Variants in MAGI2 observed in about 807,000 individuals in gnomAD.
MAGI2 encodes the protein membrane-associated guanylate kinase, WW and PDZ domain-containing protein 2.
MAGI2 carries 35 observed loss-of-function variants against 133.3 expected under a neutral mutation model. The ratio of observed to expected loss-of-function variants is 0.26; its 90% confidence interval spans 0.20 to 0.35. The LOEUF is 0.35. MAGI2 is among the 10% of genes least tolerant of loss of function. The probability of loss-of-function intolerance (pLI) is 1.00; values close to 1 mark genes in which losing one functional copy is unlikely to be tolerated. For synonymous variants in MAGI2, 729 were observed against 710.6 expected, an observed-to-expected ratio of 1.03 and a Z score of -0.41; for missense variants, 1,636 against 1,863.4, an observed-to-expected ratio of 0.88 and a Z score of 2.25.
At chr7:78,344,486 A>G (rs1207433998) in intron 8 of MAGI2, among the ~76,000 whole-genome samples, 1 of 152,212 alleles carries the variant, frequency 6.6e-6, no homozygotes, top group Non-Finnish European at 1.5e-5. Context: ...AGCATGTGCA[A>G]TATCACAAAC....
intron 6 of MAGI2, among the ~76,000 whole-genome samples, chr7:78,383,799 T>A (rs941479369): frequency 4.6e-5 from 7 of 152,114 alleles, no homozygotes. Context: ...AGGGATCCAG[T>A]TTCATTCTTC....
intron 13 of MAGI2, among the ~76,000 whole-genome samples, chr7:78,178,465 A>T (rs1826872999): frequency 6.6e-6 from 1 of 152,174 alleles, no homozygotes; most frequent in Non-Finnish European, 1.5e-5. Context: ...TACTCTGATT[A>T]GAACAATTAT....
In MAGI2 at chr7:78,345,702, T is replaced by C. The variant is rs182639676; in HGVS notation, c.1225+220A>G. On this transcript the variant is annotated intron_variant, in intron 8 of 21. Transcript: ENST00000354212. ...TTAATCTCCACGTGGTGACATGCTG[T>C]ACATTCCTATAAAGTACTGCCTGTG... 2,354 of 570,904 alleles carry C rather than the reference T, an allele frequency of 4.1e-3. 11 individuals carry two copies. Among genetic ancestry groups the C allele is most frequent in the Non-Finnish European group, 5.7e-3 (1,846 of 325,172 alleles). 35.4% of individuals were successfully genotyped at this position (570,904 alleles called of 1,614,324 possible). A position where few individuals can be genotyped will look rare whatever the true frequency, so the allele number is the denominator to read the frequency against.
intron 1 of MAGI2, among the ~76,000 whole-genome samples, chr7:79,417,157 C>T (rs567813941): frequency 4.6e-5 from 7 of 152,090 alleles, no homozygotes; most frequent in Non-Finnish European, 1.0e-4. Context: ...GTCTGACTTG[C>T]ACAAATAAGG....
rs183796239 is a variant in MAGI2, at chr7:78,769,481, G to A, written c.419-142242C>T. ...TTTGCTCTGGGTAGTTTGTACTGAA[G>A]TAAAACCGTCACCACCCACTCCCCA... On this transcript the variant is annotated intron_variant, in intron 2 of 21. Transcript: ENST00000354212. Among the ~76,000 whole-genome samples the A allele has an allele frequency of 2.7e-4, 39 of 143,016 alleles. No individual in the cohort carries two copies. In the East Asian group the frequency reaches 8.0e-3, roughly 29 times the overall value. 93.8% of individuals were successfully genotyped at this position (143,016 alleles called of 152,430 possible).
At chr7:78,986,703 A>G (rs1805296769) in intron 2 of MAGI2, among the ~76,000 whole-genome samples, 1 of 151,908 alleles carries the variant, frequency 6.6e-6, no homozygotes, top group Admixed American at 6.6e-5. Flanking sequence ...AGAACCCTAG[A>G]GTTGAAGTGA....
At chr7:79,266,943 CAT>C (rs1356213706) in intron 1 of MAGI2, among the ~76,000 whole-genome samples, 1 of 152,106 alleles carries the variant, frequency 6.6e-6, no homozygotes, top group Admixed American at 6.6e-5. Context: ...AGGTCTATCA[CAT>C]AGACTTCAGA....
chr7:78,887,631 C>T (rs1242993127), intron 2 of MAGI2, among the ~76,000 whole-genome samples: 1 of 152,248 alleles, frequency 6.6e-6, no homozygotes, highest in South Asian at 2.1e-4. Flanking sequence ...TGTTCAGACA[C>T]ATATCCACCC....
chr7:79,155,859 CA>C (rs1374437594), intron 1 of MAGI2, among the ~76,000 whole-genome samples: 2 of 151,932 alleles, frequency 1.3e-5, no homozygotes, highest in Non-Finnish European at 2.9e-5. Flanking sequence ...CATCCGACTA[CA>C]AAACATTAAA....
At chr7:79,229,186 T>C (rs993488201) in intron 1 of MAGI2, among the ~76,000 whole-genome samples, 2 of 152,170 alleles carry the variant, frequency 1.3e-5, no homozygotes, top group African/African-American at 4.8e-5. Context: ...ATTTATAGTT[T>C]GTATGGCTTA....
At chr7:78,423,198 T>C (rs894441601) in intron 6 of MAGI2, among the ~76,000 whole-genome samples, 8 of 152,078 alleles carry the variant, frequency 5.3e-5, no homozygotes, top group Non-Finnish European at 1.2e-4. Flanking sequence ...GGCAGATCTT[T>C]CCTGTGATCT....
At chr7:79,387,290 C>A (rs1325512075) in intron 1 of MAGI2, among the ~76,000 whole-genome samples, 1 of 151,952 alleles carries the variant, frequency 6.6e-6, no homozygotes, top group Non-Finnish European at 1.5e-5. Flanking sequence ...TTTCTACTTT[C>A]CTCTTGCTTT....
intron 1 of MAGI2, among the ~76,000 whole-genome samples, chr7:79,261,358 C>T (rs1167382850): frequency 6.6e-6 from 1 of 152,218 alleles, no homozygotes; most frequent in Non-Finnish European, 1.5e-5. Flanking sequence ...GACCTTGCCT[C>T]ACAAATTGCT....
chr7:78,036,608 C>T (rs2471619), intron 21 of MAGI2, among the ~76,000 whole-genome samples: 57,699 of 151,762 alleles, frequency 0.38, 11,282 homozygotes, highest in Non-Finnish European at 0.4. Flanking sequence ...AGTTTTATCC[C>T]CTTTAGATAA....
intron 3 of MAGI2, among the ~76,000 whole-genome samples, chr7:78,527,923 T>C (rs908119272): frequency 2.0e-5 from 3 of 152,322 alleles, no homozygotes; most frequent in Middle Eastern, 3.4e-3. Flanking sequence ...GTAATAAATA[T>C]ACTTGTCTTC....
intron 1 of MAGI2, among the ~76,000 whole-genome samples, chr7:79,079,997 A>T (rs1481071369): frequency 6.6e-6 from 1 of 152,052 alleles, no homozygotes; most frequent in African/African-American, 2.4e-5. Flanking sequence ...AGCACTAATG[A>T]TTTATCAACA....
At chr7:78,618,760 G>A (rs1344810544) in intron 3 of MAGI2, 1 of 151,670 alleles carries the variant, frequency 6.6e-6, no homozygotes, top group Non-Finnish European at 1.5e-5. Flanking sequence ...AGTGATTTAA[G>A]CCAGGCACAG....
intron 1 of MAGI2, among the ~76,000 whole-genome samples, chr7:79,218,722 T>G (rs1016976338): frequency 6.6e-6 from 1 of 152,114 alleles, no homozygotes; most frequent in Non-Finnish European, 1.5e-5. Flanking sequence ...AACCCTTTCT[T>G]GAATGCTACT....
chr7:79,375,950 C>G (rs1293560681), intron 1 of MAGI2, among the ~76,000 whole-genome samples: 1 of 151,784 alleles, frequency 6.6e-6, no homozygotes, highest in Non-Finnish European at 1.5e-5. Context: ...TAATGCATAA[C>G]AATCGTATTG....
Sources: allele counts gnomAD v4.1 joint callset (sites outside exome capture counted in the v4.1 genomes callset), GRCh38; gene constraint gnomAD v4.1.1; transcripts MANE v1.5; gene names NCBI Gene and HGNC (gene_info 2026-07-23, HGNC 2026-07-21).